Variants in ADCY8 observed in about 807,000 individuals in gnomAD.
ADCY8 encodes the protein adenylate cyclase 8.
Under a neutral mutation model 119.7 loss-of-function variants are expected in ADCY8, and 51 were observed. The ratio of observed to expected loss-of-function variants is 0.43; its 90% CI spans 0.34 to 0.54. The LOEUF (loss-of-function observed/expected upper bound fraction) is 0.54. ADCY8 is among the 20% of genes least tolerant of loss of function. The pLI, the probability that ADCY8 is intolerant of heterozygous loss-of-function variation, is 0.03. For synonymous variants in ADCY8, 665 were observed against 651.0 expected (o/e 1.02, Z -0.33); for missense variants, 1,383 against 1,598.8 (o/e 0.87, Z 2.30).
chr8:130,976,862 A>T (rs1461404489), intron 2 of ADCY8, among the ~76,000 whole-genome samples: 1 of 152,210 alleles, frequency 6.6e-6, no homozygotes, highest in Non-Finnish European at 1.5e-5. Context: ...GTTTACAGTT[A>T]AAAATTACCT....
chr8:130,845,095 A>G (rs1817256219), intron 11 of ADCY8, among the ~76,000 whole-genome samples: 1 of 152,200 alleles, frequency 6.6e-6, no homozygotes, highest in Non-Finnish European at 1.5e-5. Context: ...TAATTAACCA[A>G]TAAGGAAGGC....
At chr8:130,812,890 T>G (rs189328659) in intron 14 of ADCY8, among the ~76,000 whole-genome samples, 110 of 152,124 alleles carry the variant, frequency 7.2e-4, no homozygotes, top group African/African-American at 2.6e-3. Context: ...TATACATGCA[T>G]ATATTTTATT....
At chr8:130,998,670 G>A (rs1355366957) in intron 1 of ADCY8, among the ~76,000 whole-genome samples, 1 of 152,202 alleles carries the variant, frequency 6.6e-6, no homozygotes, top group Non-Finnish European at 1.5e-5. Context: ...AGGGAGACAA[G>A]TTAGAGGCTG....
chr8:130,844,534 G>GT (rs1817240635), intron 11 of ADCY8, among the ~76,000 whole-genome samples: 1 of 152,204 alleles, frequency 6.6e-6, no homozygotes, highest in Admixed American at 6.5e-5. Context: ...GGATCACAAA[G>GT]ATGAAGCGAT....
intron 2 of ADCY8, among the ~76,000 whole-genome samples, chr8:130,989,584 T>C (rs1032194521): frequency 6.6e-6 from 1 of 152,196 alleles, no homozygotes; most frequent in Non-Finnish European, 1.5e-5. Flanking sequence ...GCATATATAC[T>C]TAGGATGCTA....
intron 12 of ADCY8, among the ~76,000 whole-genome samples, chr8:130,835,326 T>A (rs1816953019): frequency 6.6e-6 from 1 of 152,146 alleles, no homozygotes; most frequent in Non-Finnish European, 1.5e-5. Context: ...GCAGACATAT[T>A]TTTCTGCCTT....
At chr8:130,801,333 T>G (rs1190347814) in intron 14 of ADCY8, among the ~76,000 whole-genome samples, 1 of 152,168 alleles carries the variant, frequency 6.6e-6, no homozygotes, top group Non-Finnish European at 1.5e-5. Context: ...GGTGGTGACT[T>G]ACCTCTGTTC....
chr8:130,997,050 G>A (rs762791088), intron 1 of ADCY8, among the ~76,000 whole-genome samples: 1 of 152,064 alleles, frequency 6.6e-6, no homozygotes, highest in African/African-American at 2.4e-5. Flanking sequence ...TTAACAGTAA[G>A]AGAAATGGCT....
intron 11 of ADCY8, among the ~76,000 whole-genome samples, chr8:130,837,842 A>T (rs897764302): frequency 3.3e-5 from 5 of 152,362 alleles, no homozygotes; most frequent in Middle Eastern, 6.8e-3. Context: ...CCTATTTTAT[A>T]GGTTAAGAAA....
chr8:130,918,328 C>A (rs1018971217), intron 5 of ADCY8, among the ~76,000 whole-genome samples: 2 of 152,258 alleles, frequency 1.3e-5, no homozygotes, highest in African/African-American at 4.8e-5. Flanking sequence ...AGAGAGCCAG[C>A]AAGCTCTCTG....
chr8:130,988,703 T>TA (rs1169329794), intron 2 of ADCY8, among the ~76,000 whole-genome samples: 3 of 151,830 alleles, frequency 2.0e-5, no homozygotes, highest in Admixed American at 1.3e-4. Context: ...TCTGCAAACT[T>TA]AAAAAAAATA....
At chr8:130,873,693 T>G (rs1818448815) in intron 8 of ADCY8, among the ~76,000 whole-genome samples, 1 of 152,176 alleles carries the variant, frequency 6.6e-6, no homozygotes, top group South Asian at 2.1e-4. Flanking sequence ...ATTTGTCATC[T>G]TGCTCCAATC....
At chr8:130,977,481 T>C (rs1024366499) in intron 2 of ADCY8, among the ~76,000 whole-genome samples, 31 of 152,196 alleles carry the variant, frequency 2.0e-4, no homozygotes, top group African/African-American at 6.8e-4. Flanking sequence ...TTATTTAAAA[T>C]CAATTCAGTC....
intron 15 of ADCY8, among the ~76,000 whole-genome samples, chr8:130,793,614 C>T (rs1428613048): frequency 6.6e-6 from 1 of 152,176 alleles, no homozygotes; most frequent in Non-Finnish European, 1.5e-5. Context: ...GTTCAATAAG[C>T]CCATAAACAG....
chr8:130,864,998 G>A (rs11987135), intron 9 of ADCY8, among the ~76,000 whole-genome samples: 58,709 of 151,890 alleles, frequency 0.39, 11,705 homozygotes, highest in African/African-American at 0.47. Context: ...CTGGCTGGGA[G>A]TTAAGCTATG....
At chr8:131,023,920 T>A (rs1823748954) in intron 1 of ADCY8, among the ~76,000 whole-genome samples, 1 of 152,180 alleles carries the variant, frequency 6.6e-6, no homozygotes, top group Non-Finnish European at 1.5e-5. Flanking sequence ...AAGGAAAGAC[T>A]TCAGTGTGGA....
chr8:130,884,923 A>T (rs1399529020), intron 7 of ADCY8, among the ~76,000 whole-genome samples, 162 bp from the exon 8 acceptor site: 3 of 152,192 alleles, frequency 2.0e-5, no homozygotes, highest in Non-Finnish European at 4.4e-5. Context: ...CATTTGGTGC[A>T]GAGAAATACA....
chr8:131,036,663 G>T (rs924533948), intron 1 of ADCY8, among the ~76,000 whole-genome samples: 6 of 152,116 alleles, frequency 3.9e-5, no homozygotes, highest in African/African-American at 1.4e-4. Context: ...GAAACAAGTC[G>T]TTTACTAGAG....
chr8:130,859,854 T>C (rs1381818262), intron 9 of ADCY8, among the ~76,000 whole-genome samples: 14 of 152,206 alleles, frequency 9.2e-5, no homozygotes, highest in Admixed American at 9.2e-4. Context: ...TTACCATTTC[T>C]ATAGTTTTGT....
Sources: gnomAD v4.1 joint callset for allele counts (sites outside exome capture counted in the v4.1 genomes callset) on GRCh38, gnomAD v4.1.1 for gene constraint, MANE v1.5 for transcripts, NCBI Gene and HGNC (gene_info 2026-07-23, HGNC 2026-07-21) for gene names.